Variants in KCNQ5 observed in about 807,000 individuals in gnomAD.
KCNQ5 encodes the protein potassium voltage-gated channel subfamily KQT member 5.
KCNQ5 carries 30 observed loss-of-function variants against 98.2 expected under a neutral mutation model. The ratio of observed to expected loss-of-function variants is 0.31; its 90% CI spans 0.23 to 0.41. KCNQ5 has a LOEUF of 0.41. KCNQ5 is among the 10% of genes least tolerant of loss of function. The pLI is 1.00. For missense variants in KCNQ5, 835 were observed against 1,182.5 expected (o/e 0.71, Z 4.31); for synonymous variants, 458 against 449.4 (o/e 1.02, Z -0.24).
intron 5 of KCNQ5, among the ~76,000 whole-genome samples, chr6:73,100,713 T>C (rs191390242): frequency 6.6e-6 from 1 of 151,564 alleles, no homozygotes; most frequent in Admixed American, 6.6e-5. Flanking sequence ...AAGTTGTTTT[T>C]TGAAAAGATA....
chr6:72,926,441 C>G (rs1191047229), intron 1 of KCNQ5, among the ~76,000 whole-genome samples: 1 of 152,048 alleles, frequency 6.6e-6, no homozygotes. Context: ...AGTTGGTGTA[C>G]TTTTTAACTA....
At chr6:72,741,687 A>G (rs919883586) in intron 1 of KCNQ5, among the ~76,000 whole-genome samples, 3 of 152,200 alleles carry the variant, frequency 2.0e-5, no homozygotes, top group Non-Finnish European at 2.9e-5. Flanking sequence ...TATACTATAA[A>G]GCCACAAAAT....
intron 5 of KCNQ5, among the ~76,000 whole-genome samples, chr6:73,099,080 G>A (rs1450174789): frequency 2.0e-5 from 3 of 151,880 alleles, no homozygotes; most frequent in Non-Finnish European, 4.4e-5. Flanking sequence ...ATTGTGATCA[G>A]TTTAAAATAA....
intron 1 of KCNQ5, among the ~76,000 whole-genome samples, chr6:72,843,510 T>G (rs1776892388): frequency 6.6e-6 from 1 of 152,198 alleles, no homozygotes; most frequent in Non-Finnish European, 1.5e-5. Flanking sequence ...TTTTTTCCAA[T>G]TCTGTGAAGA....
At chr6:72,645,738 G>A (rs1381013538) in intron 1 of KCNQ5, among the ~76,000 whole-genome samples, 1 of 152,074 alleles carries the variant, frequency 6.6e-6, no homozygotes, top group African/African-American at 2.4e-5. Flanking sequence ...GCATTCAGTT[G>A]TGGTTTGTCC....
intron 10 of KCNQ5, among the ~76,000 whole-genome samples, chr6:73,144,467 G>A (rs563371683): frequency 6.6e-6 from 1 of 152,276 alleles, no homozygotes; most frequent in South Asian, 2.1e-4. Context: ...ATCTAATGCA[G>A]TAGCAATTGT....
At chr6:72,777,476 C>A (rs1773218177) in intron 1 of KCNQ5, among the ~76,000 whole-genome samples, 1 of 152,050 alleles carries the variant, frequency 6.6e-6, no homozygotes. Context: ...CTAGTCTATA[C>A]CACAGATCTT....
intron 1 of KCNQ5, among the ~76,000 whole-genome samples, chr6:72,629,720 C>T (rs1422360853): frequency 2.0e-5 from 3 of 152,108 alleles, no homozygotes; most frequent in African/African-American, 4.8e-5. Flanking sequence ...TACTTGAAGC[C>T]CAATTGTTGA....
intron 1 of KCNQ5, among the ~76,000 whole-genome samples, chr6:72,811,921 C>A (rs1775262891): frequency 6.6e-6 from 1 of 152,152 alleles, no homozygotes; most frequent in South Asian, 2.1e-4. Flanking sequence ...TCTTGATTAT[C>A]TGCTAAACAA....
chr6:72,952,897 T>TA (rs1766874727), intron 1 of KCNQ5, among the ~76,000 whole-genome samples: 1 of 152,214 alleles, frequency 6.6e-6, no homozygotes, highest in Non-Finnish European at 1.5e-5. Context: ...TTAAAAGTAA[T>TA]AAACTCATAT....
rs148627731 is a variant in KCNQ5 at position 72,841,217 on chromosome 6, A to G, written c.399-162691A>G. Among the ~76,000 whole-genome samples, 46 of 152,218 alleles carry G rather than the reference A, an allele frequency of 3.0e-4. 1 individual carries two copies. The East Asian group carries it at 7.5e-3, about 25-fold the overall frequency. On this transcript the variant is annotated intron_variant, in intron 1 of 13. Transcript: ENST00000370398. ...TGCTTGTAAAACTATCATAATTTCT[A>G]TTAGTTTTGCATTACCACTATTTTG...
At position 73,184,016 on chromosome 6, in the gene KCNQ5, C is replaced by G. The variant is rs188418411; in HGVS notation, c.1578-6557C>G. ...CTGTTTTCTTGATGGTCTTATAATA[C>G]TGTAAATTTCATTCAACCAATATAA... On this transcript the variant is annotated intron_variant, in intron 11 of 13. Coordinates refer to ENST00000370398, the MANE Select transcript of KCNQ5 (RefSeq NM_019842.4). Among the ~76,000 whole-genome samples the G allele has an allele frequency of 8.5e-5, 13 of 152,310 alleles. No individual in the cohort carries two copies. The East Asian group carries it at 2.5e-3, about 29-fold the overall frequency.
intron 10 of KCNQ5, chr6:73,134,670 C>G (rs1021444540): frequency 6.6e-6 from 1 of 152,490 alleles, no homozygotes; most frequent in African/African-American, 2.4e-5. Context: ...ACTCCACACC[C>G]CTGTGGGTGC....
intron 3 of KCNQ5, among the ~76,000 whole-genome samples, chr6:73,060,246 AC>A (rs1298900141): frequency 2.6e-5 from 4 of 152,156 alleles, no homozygotes; most frequent in Non-Finnish European, 4.4e-5. Context: ...ACCATAACCA[AC>A]AAAAACATTA....
At chr6:72,789,801 T>C (rs1044600402) in intron 1 of KCNQ5, among the ~76,000 whole-genome samples, 2 of 152,344 alleles carry the variant, frequency 1.3e-5, no homozygotes, top group Non-Finnish European at 2.9e-5. Context: ...TAGTCCCACC[T>C]TTCTTTTCCC....
intron 1 of KCNQ5, among the ~76,000 whole-genome samples, chr6:72,960,044 A>G (rs1235929075): frequency 6.6e-6 from 1 of 152,222 alleles, no homozygotes; most frequent in African/African-American, 2.4e-5. Context: ...GCGTATGCTG[A>G]GTTTTTATCT....
chr6:72,831,562 C>T (rs1776269608), intron 1 of KCNQ5, among the ~76,000 whole-genome samples: 1 of 143,866 alleles, frequency 7.0e-6, no homozygotes. Flanking sequence ...CGGAACATCA[C>T]ACACCGGGGC....
chr6:72,960,120 C>T (rs530243458), intron 1 of KCNQ5, among the ~76,000 whole-genome samples: 1 of 152,268 alleles, frequency 6.6e-6, no homozygotes, highest in Admixed American at 6.5e-5. Context: ...ATTATGACAT[C>T]AGAGCCCCTC....
chr6:72,798,898 T>G (rs903755220), intron 1 of KCNQ5, among the ~76,000 whole-genome samples: 2 of 152,114 alleles, frequency 1.3e-5, no homozygotes, highest in African/African-American at 4.8e-5. Context: ...AATGTAGGAC[T>G]GTTCACTTAA....
Sources: gnomAD v4.1 joint callset for allele counts (sites outside exome capture counted in the v4.1 genomes callset) on GRCh38, gnomAD v4.1.1 for gene constraint, MANE v1.5 for transcripts, NCBI Gene and HGNC (gene_info 2026-07-23, HGNC 2026-07-21) for gene names.